ZNF703: variants seen among roughly 807,000 people sequenced by gnomAD.
ZNF703 encodes the protein NocA-like zinc finger 1.
ZNF703 carries 18 observed loss-of-function variants against 30.7 expected under a neutral mutation model. The ratio of observed to expected loss-of-function variants is 0.59; its 90% CI spans 0.40 to 0.87. The LOEUF (loss-of-function observed/expected upper bound fraction) is 0.87. Ranked by LOEUF, ZNF703 falls within the 40% of genes least tolerant of loss-of-function variation. ZNF703 has a pLI of 0.00. For synonymous variants in ZNF703, 457 were observed against 438.6 expected (o/e 1.04, Z -0.52); for missense variants, 814 against 847.8 (o/e 0.96, Z 0.50).
chr8:37,697,297 C>G lies in ZNF703; in HGVS notation c.396C>G (p.Gly132=). The G allele has an allele frequency of 6.4e-7, 1 of 1,565,506 alleles. No homozygotes were observed. Among genetic ancestry groups the G allele is most frequent in the Non-Finnish European group, 8.6e-7 (1 of 1,157,872 alleles). The stretch of plus-strand genomic sequence containing the variant: ...AGGACCCCGGCCGCTCAGCCCCGGG[C>G]GCCGCCTCCGCAGCCGCGGCCCTGA... The part of the protein sequence containing the change: ...AEKDPGRSAP[G]AASAAAALKQ... The change falls in exon 2 of 2, where the codon GGC becomes GGG. Residue 132 remains glycine (G), a synonymous_variant. Transcript: ENST00000331569.
chr8:37,695,962 C>G lies in ZNF703; in HGVS notation c.-18C>G. The G allele has an allele frequency of 6.8e-7, 1 of 1,479,588 alleles. No homozygotes were observed. The highest frequency in any genetic ancestry group is 2.7e-5 in the East Asian group (1 of 37,380). 91.7% of individuals were successfully genotyped at this position (1,479,588 alleles called of 1,614,324 possible). ...TCCCCCGCCCTCCCCGCCCCCCCAG[C>G]GGCGCTGCCTCCTCCAAATGAGCGA... On this transcript the variant is annotated 5_prime_UTR_variant, in exon 1 of 2. Coordinates refer to ENST00000331569, the MANE Select transcript of ZNF703 (RefSeq NM_025069.3).
chr8:37,699,021 T>A lies in ZNF703; in HGVS notation c.*347T>A, dbSNP rs1021358090. The A allele has an allele frequency of 5.2e-6, 1 of 191,048 alleles. No individual in the cohort carries two copies. Among genetic ancestry groups the A allele is most frequent in the Non-Finnish European group, 1.1e-5 (1 of 94,308 alleles). The allele number at this position is 191,048 out of a possible 1,614,324, so 11.8% of individuals were successfully genotyped here. On this transcript the variant is annotated 3_prime_UTR_variant, in exon 2 of 2. Transcript: ENST00000331569. ...ATTTTTTATTCCTTTTCCTCTTTTT[T>A]TGGTTTTGATTGGTTTGGTTTGAGG...
chr8:37,696,665 T>G lies in ZNF703; in HGVS notation c.243+443T>G, dbSNP rs1433546731. ...CCCTGGCGCTCCCGATCCCGGATCT[T>G]TCTTCCTGCCTCTTCCCTGGGTGCC... On this transcript the variant is annotated intron_variant, in intron 1 of 1. Transcript: ENST00000331569. The surrounding 1 kb of genome is among the most constrained non-coding windows in gnomAD (Gnocchi z 8.2). Among the ~76,000 whole-genome samples the G allele has an allele frequency of 2.0e-5, 3 of 152,030 alleles. No homozygotes were observed. The highest frequency in any genetic ancestry group is 7.2e-5 in the African/African-American group (3 of 41,412).
At position 37,696,280 on chromosome 8, in the gene ZNF703, A is replaced by G; in HGVS notation, c.243+58A>G. ...CCCCATTCCTCCCACCGCGACCGGG[A>G]CCCTGACCCAGCTCCCAGCGCCCCG... is the stretch of plus-strand genomic sequence containing the variant. On this transcript the variant is annotated intron_variant, in intron 1 of 1. Coordinates refer to ENST00000331569, the MANE Select transcript of ZNF703 (RefSeq NM_025069.3). The surrounding 1 kb of genome is among the most constrained non-coding windows in gnomAD (Gnocchi z 8.2). 1 of 1,504,910 alleles carries G rather than the reference A, an allele frequency of 6.6e-7. No individual in the cohort carries two copies. Among genetic ancestry groups the G allele is most frequent in the Non-Finnish European group, 8.9e-7 (1 of 1,123,888 alleles). 93.2% of individuals were successfully genotyped at this position (1,504,910 alleles called of 1,614,324 possible). A position where few individuals can be genotyped will look rare whatever the true frequency, so the allele number is the denominator to read the frequency against.
In ZNF703 at chr8:37,696,181, T is replaced by A; in HGVS notation, c.202T>A (p.Tyr68Asn). 1 of 1,611,022 alleles carries A rather than the reference T, an allele frequency of 6.2e-7. No individual in the cohort carries two copies. Among genetic ancestry groups the A allele is most frequent in the Non-Finnish European group, 8.5e-7 (1 of 1,179,180 alleles). ...CACCGGTCACCTCCTGCACCCGGAG[T>A]ACCTGCAGCCGCTGTCCTCCACTCC... ...AHTGHLLHPE[Y>N]LQPLSSTPVS... Residue 68 changes from tyrosine to asparagine, a missense_variant, in exon 1 of 2, where the codon TAC (tyrosine) becomes AAC (asparagine). Transcript: ENST00000331569. The surrounding 1 kb of genome is among the most constrained non-coding windows in gnomAD (Gnocchi z 8.2).
In ZNF703 at chr8:37,697,554, CCGGCGGCTCCCG is replaced by C. The variant is rs989762557; in HGVS notation, c.665_676del (p.Arg222_Ser225del). The C allele has an allele frequency of 1.8e-5, 27 of 1,470,326 alleles. No individual in the cohort carries two copies. The highest frequency in any genetic ancestry group is 1.8e-4 in the Middle Eastern group (1 of 5,586). 91.1% of individuals were successfully genotyped at this position (1,470,326 alleles called of 1,614,324 possible). A position where few individuals can be genotyped will look rare whatever the true frequency, so the allele number is the denominator to read the frequency against. On this transcript the variant is annotated inframe_deletion, in exon 2 of 2. Coordinates refer to ENST00000331569, the MANE Select transcript of ZNF703 (RefSeq NM_025069.3). ...TCCGCATCCTCGTCCTCGTCGTCGC[CCGGCGGCTCCCG>C]CGGCGGCTCCCCGCACCACTCTGAC...
At position 37,695,991 on chromosome 8, in the gene ZNF703, G is replaced by T. The variant is rs979510143; in HGVS notation, c.12G>T (p.Ser4=). 8 of 1,522,860 alleles carry T rather than the reference G, an allele frequency of 5.3e-6. No homozygotes were observed. The highest frequency in any genetic ancestry group is 7.1e-6 in the Non-Finnish European group (8 of 1,132,956). The allele number at this position is 1,522,860 out of a possible 1,614,324, so 94.3% of individuals were successfully genotyped here. The stretch of plus-strand genomic sequence containing the variant: ...GCTGCCTCCTCCAAATGAGCGATTC[G>T]CCCGCTGGATCTAACCCAAGGACAC... The part of the protein sequence containing the change: MSD[S]PAGSNPRTPE... The change falls in exon 1 of 2, where the codon TCG becomes TCT. Residue 4 remains serine (S), a synonymous_variant. Transcript: ENST00000331569.
chr8:37,698,476 C>G lies in ZNF703; in HGVS notation c.1575C>G (p.Ala525=). 6.6e-7 allele frequency: 1 copy of G among 1,521,186 alleles called. No individual in the cohort carries two copies. Among genetic ancestry groups the G allele is most frequent in the South Asian group, 1.3e-5 (1 of 79,466 alleles). The allele number at this position is 1,521,186 out of a possible 1,614,324, so 94.2% of individuals were successfully genotyped here. A position where few individuals can be genotyped will look rare whatever the true frequency, so the allele number is the denominator to read the frequency against. The change falls in exon 2 of 2, where the codon GCC becomes GCG. Residue 525 remains alanine, a synonymous_variant. Coordinates refer to ENST00000331569, the MANE Select transcript of ZNF703 (RefSeq NM_025069.3). ...SCHLHLPPPA[A]PGSPGSLSLR... Reference sequence around the variant, plus strand: ...ATCTGCACCTCCCCCCGCCCGCCGCCCCCGGCAGCCCCGGGTCGCTGTCCT... The same window carrying G: ...ATCTGCACCTCCCCCCGCCCGCCGCGCCCGGCAGCCCCGGGTCGCTGTCCT...
rs1802073713 is a variant in ZNF703, at chr8:37,696,774, C to T, written c.244-371C>T. Among the ~76,000 whole-genome samples the T allele has an allele frequency of 6.6e-6, 1 of 152,202 alleles. No homozygotes were observed. Among genetic ancestry groups the T allele is most frequent in the South Asian group, 2.1e-4 (1 of 4,836 alleles). Reference sequence around the variant, plus strand: ...CGCGCTCCCCTCTCCTACCCCGCGGCGCCATCGCCAGAAACCCGTCCCAAG... The same window carrying T: ...CGCGCTCCCCTCTCCTACCCCGCGGTGCCATCGCCAGAAACCCGTCCCAAG... On this transcript the variant is annotated intron_variant, in intron 1 of 1. Coordinates refer to ENST00000331569, the MANE Select transcript of ZNF703 (RefSeq NM_025069.3). The surrounding 1 kb of genome is among the most constrained non-coding windows in gnomAD (Gnocchi z 8.2).
rs1802076026 is a variant in ZNF703, at chr8:37,696,915, G to A, written c.244-230G>A. Among the ~76,000 whole-genome samples, 1 of 152,174 alleles carries A rather than the reference G, an allele frequency of 6.6e-6. No individual in the cohort carries two copies. The highest frequency in any genetic ancestry group is 2.4e-5 in the African/African-American group (1 of 41,450). The stretch of plus-strand genomic sequence containing the variant: ...CAGAGACGTCACCTTCTCCCGCAGG[G>A]GTCCTGGGTGAACTCCTTCCGCAGG... On this transcript the variant is annotated intron_variant, in intron 1 of 1. Coordinates refer to ENST00000331569, the MANE Select transcript of ZNF703 (RefSeq NM_025069.3). The surrounding 1 kb of genome is among the most constrained non-coding windows in gnomAD (Gnocchi z 8.2).
chr8:37,696,804 G>A lies in ZNF703; in HGVS notation c.244-341G>A, dbSNP rs972990009. 1.3e-5 allele frequency among the ~76,000 whole-genome samples: 2 copies of A among 152,180 alleles called. No homozygotes were observed. The highest frequency in any genetic ancestry group is 4.8e-5 in the African/African-American group (2 of 41,458). ...TCGCCAGAAACCCGTCCCAAGCGAA[G>A]TTCCCCCAAACTAAAGGAATAAGTT... On this transcript the variant is annotated intron_variant, in intron 1 of 1. Coordinates refer to ENST00000331569, the MANE Select transcript of ZNF703 (RefSeq NM_025069.3). This position sits in a 1 kb window ranked among gnomAD's most constrained non-coding sequence, Gnocchi z 8.2.
Position 37,698,292 on chromosome 8 carries a change from G to C in ZNF703, c.1391G>C (p.Ser464Thr), listed in dbSNP as rs754477003. Residue 464 changes from serine to threonine, a missense_variant, in exon 2 of 2, where the codon AGT (serine) becomes ACT (threonine). By Grantham distance (58) the Ser-to-Thr change is moderately conservative. Coordinates refer to ENST00000331569, the MANE Select transcript of ZNF703 (RefSeq NM_025069.3). ...LPHSCNWVAASGPCDKRFATS... is the reference protein window; with the variant it reads ...LPHSCNWVAATGPCDKRFATS... Reference sequence around the variant, plus strand: ...CACAGCTGCAACTGGGTGGCAGCCAGTGGGCCGTGCGACAAGCGCTTCGCC... The same window carrying C: ...CACAGCTGCAACTGGGTGGCAGCCACTGGGCCGTGCGACAAGCGCTTCGCC... 1.3e-6 allele frequency: 2 copies of C among 1,539,838 alleles called. No homozygotes were observed. The highest frequency in any genetic ancestry group is 2.5e-5 in the East Asian group (1 of 40,424).
intron 1 of ZNF703, 74 bp from the exon 2 acceptor site, chr8:37,697,071 C>T: frequency 1.4e-6 from 2 of 1,411,142 alleles, no homozygotes; most frequent in Non-Finnish European, 1.8e-6. Context: ...GCCCAGCTCC[C>T]CGGGCGCCCC....
In ZNF703 at chr8:37,699,727, C is replaced by T. The variant is rs1802138635; in HGVS notation, c.*1053C>T. ...TGGGGTAGGTGACTCTCGCTAGATC[C>T]CTCCAAAGCAGACCGGTGGCGATGT... On this transcript the variant is annotated 3_prime_UTR_variant, in exon 2 of 2. Coordinates refer to ENST00000331569, the MANE Select transcript of ZNF703 (RefSeq NM_025069.3). 1 of 152,270 alleles carries T rather than the reference C, an allele frequency of 6.6e-6. No individual in the cohort carries two copies. The allele number at this position is 152,270 out of a possible 1,614,324, so 9.4% of individuals were successfully genotyped here.
intron 1 of ZNF703, 21 bp from the exon 2 acceptor site, chr8:37,697,124 C>T (rs762577502): frequency 6.6e-7 from 1 of 1,518,686 alleles, no homozygotes; most frequent in African/African-American, 1.5e-5. Flanking sequence ...TTCTCCCTCC[C>T]CCTGCTTCTG....
rs534388849 is a variant in ZNF703 at position 37,697,659 on chromosome 8, C to T, written c.758C>T (p.Pro253Leu). ...DKKDQEPKPSPEPAAVSRGGG... is the reference protein window; with the variant it reads ...DKKDQEPKPSLEPAAVSRGGG... Reference sequence around the variant, plus strand: ...AAAGACCAGGAGCCCAAGCCCAGCCCGGAGCCGGCAGCCGTGAGCCGCGGC... The same window carrying T: ...AAAGACCAGGAGCCCAAGCCCAGCCTGGAGCCGGCAGCCGTGAGCCGCGGC... Residue 253 changes from proline (P) to leucine (L), a missense_variant, in exon 2 of 2, where the codon CCG becomes CTG. Coordinates refer to ENST00000331569, the MANE Select transcript of ZNF703 (RefSeq NM_025069.3). 1.1e-4 allele frequency: 149 copies of T among 1,347,500 alleles called. 2 individuals carry two copies. In the South Asian group the frequency reaches 2.6e-3, roughly 24 times the overall value. The allele number at this position is 1,347,500 out of a possible 1,614,324, so 83.5% of individuals were successfully genotyped here.
rs745762966 is a variant in ZNF703 at position 37,697,874 on chromosome 8, G to A, written c.973G>A (p.Gly325Ser). 2 of 1,550,198 alleles carry A rather than the reference G, an allele frequency of 1.3e-6. No homozygotes were observed. The highest frequency in any genetic ancestry group is 1.7e-6 in the Non-Finnish European group (2 of 1,154,102). The change falls in exon 2 of 2, where the codon GGC becomes AGC. Residue 325 changes from glycine to serine, a missense_variant. By Grantham distance (56) the Gly-to-Ser change is moderately conservative (BLOSUM62 0). Transcript: ENST00000331569. ...YHGSIVGAYA[G>S]YPSQFVPGLD... The stretch of plus-strand genomic sequence containing the variant: ...CGGCTCCATCGTGGGCGCCTACGCC[G>A]GCTACCCGTCTCAGTTCGTGCCTGG...
At position 37,696,946 on chromosome 8, in the gene ZNF703, C is replaced by A. The variant is rs867278853; in HGVS notation, c.244-199C>A. Among the ~76,000 whole-genome samples, 5 of 152,234 alleles carry A rather than the reference C, an allele frequency of 3.3e-5. No homozygotes were observed. The highest frequency in any genetic ancestry group is 2.1e-4 in the South Asian group (1 of 4,830). ...GGGTGAACTCCTTCCGCAGGGCCTGCGGCGCACCCCGGGACCCAGCGGCAG... is the reference window on the plus strand; with the variant it reads ...GGGTGAACTCCTTCCGCAGGGCCTGAGGCGCACCCCGGGACCCAGCGGCAG... On this transcript the variant is annotated intron_variant, in intron 1 of 1. Coordinates refer to ENST00000331569, the MANE Select transcript of ZNF703 (RefSeq NM_025069.3). The surrounding 1 kb of genome is among the most constrained non-coding windows in gnomAD (Gnocchi z 8.2).
Position 37,697,741 on chromosome 8 carries a change from G to A in ZNF703, c.840G>A (p.Lys280=). Residue 280 remains lysine (K), a synonymous_variant, in exon 2 of 2, where the codon AAG becomes AAA. Transcript: ENST00000331569. ...GGAESGASGR[K]SEPPSALVGA... ...CCGAGTCCGGGGCCTCCGGGCGCAA[G>A]TCCGAGCCGCCCTCGGCGCTGGTGG... The A allele has an allele frequency of 7.0e-7, 1 of 1,425,520 alleles. No homozygotes were observed. The highest frequency in any genetic ancestry group is 9.1e-7 in the Non-Finnish European group (1 of 1,095,374). The allele number at this position is 1,425,520 out of a possible 1,614,324, so 88.3% of individuals were successfully genotyped here.
Sources: allele counts gnomAD v4.1 joint callset (sites outside exome capture counted in the v4.1 genomes callset), GRCh38; gene constraint gnomAD v4.1.1; non-coding constraint Gnocchi (gnomAD v3.1); transcripts MANE v1.5; gene names NCBI Gene and HGNC (gene_info 2026-07-23, HGNC 2026-07-21).